The following MAP3K20 variants were observed in gnomAD, a reference collection of about 807,000 sequenced individuals.
MAP3K20 encodes mitogen-activated protein kinase kinase kinase 20, also known as HCCS-4.
Under a neutral mutation model 85.7 loss-of-function variants are expected in MAP3K20, and 40 were observed. That is an observed-to-expected ratio of 0.47 (90% CI 0.36 to 0.61). The LOEUF (loss-of-function observed/expected upper bound fraction) is 0.61, where lower values mean the gene tolerates loss of function less well. MAP3K20 is among the 20% of genes least tolerant of loss of function. The pLI, the probability that MAP3K20 is intolerant of heterozygous loss-of-function variation, is 0.00. For missense variants in MAP3K20, 817 were observed against 961.7 expected (o/e 0.85, Z 1.99); for synonymous variants, 325 against 327.7 (o/e 0.99, Z 0.09).
At chr2:173,165,786 C>T (rs1689801803) in intron 2 of MAP3K20, among the ~76,000 whole-genome samples, 1 of 152,210 alleles carries the variant, frequency 6.6e-6, no homozygotes, top group African/African-American at 2.4e-5. Context: ...ATCCTACTGC[C>T]TCAGCCTCCT....
At chr2:173,112,421 C>A (rs999012675) in intron 2 of MAP3K20, among the ~76,000 whole-genome samples, 1 of 152,142 alleles carries the variant, frequency 6.6e-6, no homozygotes, top group Non-Finnish European at 1.5e-5. Flanking sequence ...TCTGATTGAT[C>A]CGGCTAGGAC....
chr2:173,226,608 C>T, intron 11 of MAP3K20: 3 of 985,818 alleles, frequency 3.0e-6, no homozygotes, highest in Non-Finnish European at 3.6e-6. Context: ...CGTGTTTTCT[C>T]AGACTCCACC....
chr2:173,133,415 T>G (rs78900701), intron 2 of MAP3K20, among the ~76,000 whole-genome samples: 2,450 of 152,234 alleles, frequency 0.016, 42 homozygotes, highest in South Asian at 0.037. Context: ...AGAGTTTGAT[T>G]TAGAGAGTGA....
intron 2 of MAP3K20, among the ~76,000 whole-genome samples, chr2:173,111,600 A>AT (rs1171944707): frequency 6.6e-6 from 1 of 152,194 alleles, no homozygotes; most frequent in African/African-American, 2.4e-5. Flanking sequence ...TGATTTTTAT[A>AT]TAAGGTGAGA....
chr2:173,104,154 A>G (rs1687717682), intron 2 of MAP3K20, among the ~76,000 whole-genome samples: 1 of 152,258 alleles, frequency 6.6e-6, no homozygotes, highest in Admixed American at 6.5e-5. Flanking sequence ...AGGAATAGTT[A>G]GTAACTTTAC....
intron 16 of MAP3K20, among the ~76,000 whole-genome samples, chr2:173,243,496 CA>C (rs1287177366): frequency 1.3e-5 from 2 of 152,180 alleles, no homozygotes; most frequent in African/African-American, 2.4e-5. Flanking sequence ...TACCTTGGAA[CA>C]GGGGGATGCC....
chr2:173,266,589 T>C lies in MAP3K20; in HGVS notation c.2242T>C (p.Leu748=), dbSNP rs766514159. ...ACCCAACACCATACCAGGGATGCCT[T>C]TGCACCCTGAGACTGACTCAAGAGC... ...HQPNTIPGMP[L]HPETDSRASE... The change falls in exon 20 of 20, where the codon TTG becomes CTG. Residue 748 remains leucine, a synonymous_variant. Transcript: ENST00000375213. The C allele has an allele frequency of 6.2e-6, 10 of 1,613,768 alleles. No individual in the cohort carries two copies. Among genetic ancestry groups the C allele is most frequent in the Admixed American group, 1.7e-5 (1 of 59,974 alleles).
At chr2:173,183,612 T>G (rs1690396451) in intron 4 of MAP3K20, among the ~76,000 whole-genome samples, 1 of 152,134 alleles carries the variant, frequency 6.6e-6, no homozygotes. Context: ...TTTTTTCCAT[T>G]TTCCTAACTG....
chr2:173,266,866 G>GT lies in MAP3K20; in HGVS notation c.*121dup, dbSNP rs1341717271. ...AATTAACGAAAAGACAACACTTCCA[G>GT]TTTTTGGATTGGGAAATACCTTCTA... On this transcript the variant is annotated 3_prime_UTR_variant, in exon 20 of 20. Coordinates refer to ENST00000375213, the MANE Select transcript of MAP3K20 (RefSeq NM_016653.3). 9.3e-7 allele frequency: 1 copy of GT among 1,074,248 alleles called. No individual in the cohort carries two copies. Among genetic ancestry groups the GT allele is most frequent in the Non-Finnish European group, 1.3e-6 (1 of 799,796 alleles). 66.5% of individuals were successfully genotyped at this position (1,074,248 alleles called of 1,614,324 possible). A position where few individuals can be genotyped will look rare whatever the true frequency, so the allele number is the denominator to read the frequency against.
intron 10 of MAP3K20, chr2:173,211,251 A>AGAATC (rs1683883150): frequency 6.6e-6 from 1 of 152,092 alleles, no homozygotes; most frequent in African/African-American, 2.4e-5. Context: ...TGACAGAGCA[A>AGAATC]GAATCATTCT....
chr2:173,227,817 A>G (rs2106327912), intron 11 of MAP3K20, among the ~76,000 whole-genome samples: 1 of 152,306 alleles, frequency 6.6e-6, no homozygotes, highest in East Asian at 1.9e-4. Context: ...ATGCAGGAAA[A>G]TATTTCTGTA....
intron 2 of MAP3K20, among the ~76,000 whole-genome samples, chr2:173,144,034 G>T (rs981526561): frequency 6.6e-6 from 1 of 152,018 alleles, no homozygotes; most frequent in Non-Finnish European, 1.5e-5. Context: ...GTATAATCAT[G>T]CCTATAATCC....
At chr2:173,236,128 T>C (rs1036397966) in intron 14 of MAP3K20, among the ~76,000 whole-genome samples, 2 of 151,864 alleles carry the variant, frequency 1.3e-5, no homozygotes, top group Non-Finnish European at 2.9e-5. Context: ...TAGCCAGGCA[T>C]GTGGTGCACA....
At chr2:173,265,741 CT>C (rs1362111562) in intron 19 of MAP3K20, among the ~76,000 whole-genome samples, 6 of 152,142 alleles carry the variant, frequency 3.9e-5, no homozygotes, top group Non-Finnish European at 8.8e-5. Context: ...ACCTCTCAAG[CT>C]TCCTCATTTA....
chr2:173,265,280 G>C (rs1461938274), intron 19 of MAP3K20, among the ~76,000 whole-genome samples: 3 of 152,228 alleles, frequency 2.0e-5, no homozygotes, highest in Admixed American at 1.3e-4. Context: ...CATGGGTAAC[G>C]TTGTTCAGGC....
chr2:173,209,876 A>G, intron 10 of MAP3K20, 41 bp downstream of exon 10: 1 of 1,521,538 alleles, frequency 6.6e-7, no homozygotes, highest in Non-Finnish European at 9.1e-7. Flanking sequence ...CTGGCTTTCA[A>G]AGACCATCAC....
chr2:173,205,149 C>T (rs1328997324), intron 9 of MAP3K20, among the ~76,000 whole-genome samples: 4 of 149,986 alleles, frequency 2.7e-5, no homozygotes, highest in African/African-American at 4.9e-5. Flanking sequence ...AACATATTCT[C>T]ACAGATTAAA....
At chr2:173,151,498 G>C (rs1334508302) in intron 2 of MAP3K20, among the ~76,000 whole-genome samples, 1 of 152,166 alleles carries the variant, frequency 6.6e-6, no homozygotes, top group African/African-American at 2.4e-5. Flanking sequence ...TCTTGATTGT[G>C]ATCTTAAAGT....
In MAP3K20 at chr2:173,092,549, C is replaced by T. The variant is rs554201669; in HGVS notation, c.159+1359C>T. Among the ~76,000 whole-genome samples, 3 of 152,290 alleles carry T rather than the reference C, an allele frequency of 2.0e-5. No individual in the cohort carries two copies. The South Asian group carries it at 6.2e-4, about 32-fold the overall frequency. ...AAATGAAATCCAGGAGGCTAGAACC[C>T]CTGTTCTTTAGTTTTTGACTCTGAA... On this transcript the variant is annotated intron_variant, in intron 2 of 19. Transcript: ENST00000375213.
Sources: gnomAD v4.1 joint callset for allele counts (sites outside exome capture counted in the v4.1 genomes callset) on GRCh38, gnomAD v4.1.1 for gene constraint, MANE v1.5 for transcripts, NCBI Gene and HGNC (gene_info 2026-07-23, HGNC 2026-07-21) for gene names.